LRRC42: variants seen among roughly 807,000 people sequenced by gnomAD.
The protein encoded by LRRC42 is leucine-rich repeat-containing protein 42.
In LRRC42, 43 loss-of-function variants were observed where a neutral mutation model predicts 44.3. The ratio of observed to expected loss-of-function variants is 0.97; its 90% CI spans 0.76 to 1.25. LRRC42 has a LOEUF of 1.25. Ranked by LOEUF, LRRC42 falls within the 50% of genes most tolerant of loss-of-function variation. The pLI is 0.00. For synonymous variants in LRRC42, 207 were observed against 195.2 expected (o/e 1.06, Z -0.50); for missense variants, 540 against 509.1 (o/e 1.06, Z -0.58).
At chr1:53,962,632 T>A (rs1298977355) in intron 7 of LRRC42, among the ~76,000 whole-genome samples, 6 of 152,214 alleles carry the variant, frequency 3.9e-5, no homozygotes, top group Non-Finnish European at 8.8e-5. Context: ...TTGTGCCTTA[T>A]CTTTACTGGA....
Position 53,968,066 on chromosome 1 carries a change from TTTGTG to T in LRRC42, c.*128_*132del. 2.0e-6 allele frequency: 2 copies of T among 983,074 alleles called. No individual in the cohort carries two copies. The highest frequency in any genetic ancestry group is 3.0e-6 in the Non-Finnish European group (2 of 661,690). The allele number at this position is 983,074 out of a possible 1,614,324, so 60.9% of individuals were successfully genotyped here. On this transcript the variant is annotated 3_prime_UTR_variant, in exon 9 of 9. Transcript: ENST00000371370. The stretch of plus-strand genomic sequence containing the variant: ...AGCATAGTAAGCAGATATTTCTACT[TTTGTG>T]GTGTGGGAGGGGAATGCTATGGAAG...
At chr1:53,956,378 A>G (rs893895511) in intron 3 of LRRC42, among the ~76,000 whole-genome samples, 9 of 152,204 alleles carry the variant, frequency 5.9e-5, no homozygotes, top group African/African-American at 2.2e-4. Flanking sequence ...TGTTGACATA[A>G]TAGTAATAGC....
intron 7 of LRRC42, among the ~76,000 whole-genome samples, chr1:53,962,628 C>T (rs1031876879): frequency 1.3e-5 from 2 of 152,162 alleles, no homozygotes; most frequent in African/African-American, 4.8e-5. Context: ...TAGGTTGTGC[C>T]TTATCTTTAC....
At chr1:53,962,990 A>T (rs891849742) in intron 7 of LRRC42, among the ~76,000 whole-genome samples, 2 of 152,046 alleles carry the variant, frequency 1.3e-5, no homozygotes, top group African/African-American at 4.8e-5. Context: ...AGAGTCTTCT[A>T]TGTAAGTTGG....
At chr1:53,966,406 T>G (rs1393910864) in intron 8 of LRRC42, 26 bp downstream of exon 8, 1 of 1,562,678 alleles carries the variant, frequency 6.4e-7, no homozygotes, top group Admixed American at 1.7e-5. Context: ...TCCTTTGAAG[T>G]TTTTTGCCCT....
At chr1:53,961,286 C>T (rs1251813469) in intron 5 of LRRC42, among the ~76,000 whole-genome samples, 1 of 152,138 alleles carries the variant, frequency 6.6e-6, no homozygotes, top group African/African-American at 2.4e-5. Flanking sequence ...TGGCCGGCAC[C>T]TGTAGTCCCA....
At position 53,958,786 on chromosome 1, in the gene LRRC42, G is replaced by GT. The variant is rs200379478; in HGVS notation, c.605+507dup. 9.3e-3 allele frequency among the ~76,000 whole-genome samples: 1,419 copies of GT among 152,088 alleles called. 28 individuals are homozygous for GT. Among genetic ancestry groups the GT allele is most frequent in the African/African-American group, 0.033 (1,353 of 41,514 alleles). Reference sequence around the variant, plus strand: ...TTTTTAGTAGAGACGGGGTTTCTCCGTGTTGGTCAGGCTGGTCTCGAGGTC... The same window carrying GT: ...TTTTTAGTAGAGACGGGGTTTCTCCGTTGTTGGTCAGGCTGGTCTCGAGGTC... On this transcript the variant is annotated intron_variant, in intron 4 of 8. Coordinates refer to ENST00000371370, the MANE Select transcript of LRRC42 (RefSeq NM_001256409.2).
chr1:53,950,696 CAT>C (rs1295746347), intron 2 of LRRC42, among the ~76,000 whole-genome samples: 1 of 152,164 alleles, frequency 6.6e-6, no homozygotes, highest in Admixed American at 6.5e-5. Context: ...TTTTATGTAA[CAT>C]AGCAATTTTT....
rs879532907 is a variant in LRRC42, at chr1:53,966,221, A to G, written c.928-75A>G. 103 of 1,194,030 alleles carry G rather than the reference A, an allele frequency of 8.6e-5. 1 individual carries two copies. The Admixed American group carries it at 1.6e-3, about 19-fold the overall frequency. 74.0% of individuals were successfully genotyped at this position (1,194,030 alleles called of 1,614,324 possible). On this transcript the variant is annotated intron_variant, in intron 7 of 8. Transcript: ENST00000371370. ...GGTTTGTGTTTATGGAGAGGGAAAA[A>G]GGGGGAACAAGAAAGGCTTGAGATT... is the stretch of plus-strand genomic sequence containing the variant.
intron 2 of LRRC42, among the ~76,000 whole-genome samples, chr1:53,948,490 G>A (rs975726260): frequency 6.6e-6 from 1 of 152,176 alleles, no homozygotes; most frequent in Non-Finnish European, 1.5e-5. Flanking sequence ...CTCGCTTGTG[G>A]TGACCAAATG....
rs569523451 is a variant in LRRC42, at chr1:53,962,181, G to C, written c.813+59G>C. 112 of 1,494,752 alleles carry C rather than the reference G, an allele frequency of 7.5e-5. No individual in the cohort carries two copies. The East Asian group carries it at 8.8e-4, about 12-fold the overall frequency. The allele number at this position is 1,494,752 out of a possible 1,614,324, so 92.6% of individuals were successfully genotyped here. A position where few individuals can be genotyped will look rare whatever the true frequency, so the allele number is the denominator to read the frequency against. On this transcript the variant is annotated intron_variant, in intron 6 of 8. Coordinates refer to ENST00000371370, the MANE Select transcript of LRRC42 (RefSeq NM_001256409.2). The stretch of plus-strand genomic sequence containing the variant: ...GACTCAACAATTTGATATTTTGCCT[G>C]TGCTAATTGGTATTTAGAAAGGGCT...
chr1:53,958,786 G>A (rs1009405968), intron 4 of LRRC42, among the ~76,000 whole-genome samples: 5 of 151,968 alleles, frequency 3.3e-5, no homozygotes, highest in South Asian at 2.1e-4. Context: ...GGGTTTCTCC[G>A]TGTTGGTCAG....
rs564524863 is a variant in LRRC42, at chr1:53,947,807, A to G, written c.-29A>G. On this transcript the variant is annotated 5_prime_UTR_variant, in exon 2 of 9. Transcript: ENST00000371370. ...CCCCAGGCTTCATCCAGTGAATACT[A>G]GAGGGATCGAACAGGTGGGTGAGAT... The G allele has an allele frequency of 1.3e-5, 2 of 152,070 alleles. No homozygotes were observed. The highest frequency in any genetic ancestry group is 1.3e-4 in the Admixed American group (2 of 15,266). The allele number at this position is 152,070 out of a possible 1,614,324, so 9.4% of individuals were successfully genotyped here.
Position 53,952,016 on chromosome 1 carries a change from G to C in LRRC42, c.17G>C (p.Ser6Thr). 1.2e-6 allele frequency: 2 copies of C among 1,613,804 alleles called. No homozygotes were observed. Among genetic ancestry groups the C allele is most frequent in the Non-Finnish European group, 1.7e-6 (2 of 1,179,966 alleles). The change falls in exon 3 of 9, where the codon AGC becomes ACC. Residue 6 changes from serine (S) to threonine (T), a missense_variant. Physicochemically the swap from Ser to Thr is moderately conservative, Grantham distance 58 (BLOSUM62 1). Coordinates refer to ENST00000371370, the MANE Select transcript of LRRC42 (RefSeq NM_001256409.2). ...ACCAAGGCAATGTCTTACTACCTCAGCTCAGAAAACCACCTGGACCCAGGG... is the reference window on the plus strand; with the variant it reads ...ACCAAGGCAATGTCTTACTACCTCACCTCAGAAAACCACCTGGACCCAGGG... MSYYL[S>T]SENHLDPGPI... is the part of the protein sequence containing the mutation.
chr1:53,961,948 CCGGA>C, intron 5 of LRRC42, 82 bp from the exon 6 acceptor site: 1 of 939,326 alleles, frequency 1.1e-6, no homozygotes, highest in Non-Finnish European at 1.7e-6. Flanking sequence ...TTATCATTGC[CCGGA>C]CGTTTTTCTG....
intron 2 of LRRC42, among the ~76,000 whole-genome samples, chr1:53,950,591 C>T (rs1424212076): frequency 6.6e-6 from 1 of 152,224 alleles, no homozygotes; most frequent in Non-Finnish European, 1.5e-5. Context: ...CACTCTAAAA[C>T]TCAATCAGAT....
rs145922529 is a variant in LRRC42, at chr1:53,958,130, T to G, written c.474-19T>G. On this transcript the variant is annotated intron_variant, in intron 3 of 8. Coordinates refer to ENST00000371370, the MANE Select transcript of LRRC42 (RefSeq NM_001256409.2). ...AGAGTAGTGAGGGGAAGCTATTGAT[T>G]GCTCTCCACGCTCCGTAGGTATCTC... 1.2e-5 allele frequency: 20 copies of G among 1,612,778 alleles called. No individual in the cohort carries two copies. The highest frequency in any genetic ancestry group is 1.7e-5 in the Non-Finnish European group (20 of 1,179,204).
intron 1 of LRRC42, among the ~76,000 whole-genome samples, chr1:53,946,930 G>A (rs1226735100): frequency 6.6e-6 from 1 of 150,974 alleles, no homozygotes. Flanking sequence ...GGTCTTGGGG[G>A]CAGGGAAGAA....
chr1:53,947,456 G>A (rs897877540), intron 1 of LRRC42, among the ~76,000 whole-genome samples: 1 of 152,146 alleles, frequency 6.6e-6, no homozygotes, highest in Non-Finnish European at 1.5e-5. Context: ...GAAGAATGGG[G>A]ACACACAGAA....
Sources: gnomAD v4.1 joint callset for allele counts (sites outside exome capture counted in the v4.1 genomes callset) on GRCh38, gnomAD v4.1.1 for gene constraint, MANE v1.5 for transcripts, NCBI Gene and HGNC (gene_info 2026-07-23, HGNC 2026-07-21) for gene names.